GTF3C2: variants seen among roughly 807,000 people sequenced by gnomAD.
GTF3C2 encodes general transcription factor 3C polypeptide 2.
GTF3C2 carries 17 observed loss-of-function variants against 117.4 expected under a neutral mutation model. The observed-to-expected ratio is 0.14, with a 90% CI of 0.10 to 0.22. The LOEUF is 0.22. GTF3C2 is among the 10% of genes least tolerant of loss of function. The pLI, the probability that GTF3C2 is intolerant of heterozygous loss-of-function variation, is 1.00. For missense variants in GTF3C2, 888 were observed against 1,143.6 expected, an observed-to-expected ratio of 0.78 and a Z score of 3.22; for synonymous variants, 437 against 427.0, an observed-to-expected ratio of 1.02 and a Z score of -0.29.
At chr2:27,335,463 C>T in intron 10 of GTF3C2, 135 bp downstream of exon 10, 1 of 714,400 alleles carries the variant, frequency 1.4e-6, no homozygotes, top group Non-Finnish European at 2.6e-6. Flanking sequence ...AGTCACAATG[C>T]AGGGTGTGTG....
intron 12 of GTF3C2, 23 bp downstream of exon 12, chr2:27,333,632 A>T (rs563155629): frequency 2.6e-6 from 4 of 1,558,182 alleles, no homozygotes; most frequent in East Asian, 4.5e-5. Context: ...ATAGTTCCTT[A>T]TGTTTTATTT....
At chr2:27,338,127 C>T in intron 4 of GTF3C2, 107 bp from the exon 5 acceptor site, 1 of 753,904 alleles carries the variant, frequency 1.3e-6, no homozygotes, top group Non-Finnish European at 2.4e-6. Context: ...ATACCTCCCC[C>T]TCCAATCACT....
At chr2:27,355,800 A>T (rs1208112848) in intron 1 of GTF3C2, among the ~76,000 whole-genome samples, 1 of 152,324 alleles carries the variant, frequency 6.6e-6, no homozygotes, top group African/African-American at 2.4e-5. Context: ...TTCCTAGGGT[A>T]CAACTGGCGG....
At chr2:27,328,754 C>G (rs537574371) in intron 15 of GTF3C2, 90 bp downstream of exon 15, 6 of 1,090,112 alleles carry the variant, frequency 5.5e-6, no homozygotes, top group Non-Finnish European at 8.3e-6. Flanking sequence ...TCTTCTCCTT[C>G]TACCCAAAAC....
intron 16 of GTF3C2, 109 bp from the exon 17 acceptor site, chr2:27,328,298 T>TA: frequency 9.8e-7 from 1 of 1,021,284 alleles, no homozygotes; most frequent in Non-Finnish European, 1.5e-6. Context: ...GTAGTATCTT[T>TA]AAATATATGC....
At chr2:27,335,235 A>C in intron 10 of GTF3C2, 1 of 482,634 alleles carries the variant, frequency 2.1e-6, no homozygotes, top group Middle Eastern at 6.3e-4. Flanking sequence ...AGGAGAGGCT[A>C]AGAACAGGAT....
chr2:27,348,530 G>A (rs1681000642), intron 1 of GTF3C2, among the ~76,000 whole-genome samples: 1 of 152,004 alleles, frequency 6.6e-6, no homozygotes, highest in African/African-American at 2.4e-5. Context: ...ATAGGACCAG[G>A]TACAGGCTCA....
At chr2:27,356,106 A>C (rs1376947981) in intron 1 of GTF3C2, 1 of 1,289,138 alleles carries the variant, frequency 7.8e-7, no homozygotes, top group East Asian at 5.5e-5. Flanking sequence ...CCCTCCAACA[A>C]AGTGAGTTGC....
chr2:27,338,540 GT>G (rs1680589635), intron 4 of GTF3C2, among the ~76,000 whole-genome samples: 1 of 151,796 alleles, frequency 6.6e-6, no homozygotes, highest in Non-Finnish European at 1.5e-5. Context: ...TTGTTTTTTT[GT>G]TGTTTTTGAG....
At chr2:27,328,122 G>A (rs1395638205) in exon 17 of GTF3C2, 2 of 1,608,500 alleles carry the variant, frequency 1.2e-6, no homozygotes, top group Non-Finnish European at 1.7e-6. Flanking sequence ...GACCCCAGAT[G>A]AAGCAGAAGA....
chr2:27,336,151 T>A (rs1299574106), intron 8 of GTF3C2, 47 bp downstream of exon 8: 24 of 1,486,226 alleles, frequency 1.6e-5, no homozygotes, highest in East Asian at 2.3e-5. Flanking sequence ...GACCCCATCC[T>A]GCTGTCCTCA....
intron 1 of GTF3C2, chr2:27,350,451 G>C (rs994814113): frequency 2.0e-6 from 2 of 985,434 alleles, no homozygotes; most frequent in Admixed American, 6.2e-5. Context: ...CAGTTGGTAG[G>C]AACAAGTGCT....
At chr2:27,331,904 AC>A (rs1680283850) in intron 12 of GTF3C2, among the ~76,000 whole-genome samples, 1 of 152,144 alleles carries the variant, frequency 6.6e-6, no homozygotes. Context: ...TTGCCACTGC[AC>A]TCCAGCCTGG....
rs1680524319 is a variant in GTF3C2 at position 27,337,347 on chromosome 2, G to A, written c.1029-5C>T. 3.1e-6 allele frequency: 5 copies of A among 1,595,584 alleles called. No individual in the cohort carries two copies. In the East Asian group the frequency reaches 1.1e-4, roughly 36 times the overall value. Reference sequence around the variant, plus strand: ...GGCAGGTAGGGAGCGGCCTCACTGGGGGAAGACAAAGGGAACAGTCTAAAT... The same window carrying A: ...GGCAGGTAGGGAGCGGCCTCACTGGAGGAAGACAAAGGGAACAGTCTAAAT... On this transcript the variant is annotated splice_polypyrimidine_tract_variant and splice_region_variant and intron_variant, in intron 6 of 18. Coordinates refer to ENST00000264720, the Ensembl canonical transcript of GTF3C2.
In GTF3C2 at chr2:27,329,324, A is replaced by C. The variant is rs777195510; in HGVS notation, c.1878-42T>G. ...GAAGGTCAAATCCAAACAAATCCGGAAGTCAGCCTGTCCCAGTCTTCACCT... is the reference window on the plus strand; with the variant it reads ...GAAGGTCAAATCCAAACAAATCCGGCAGTCAGCCTGTCCCAGTCTTCACCT... On this transcript the variant is annotated intron_variant, in intron 13 of 18. Coordinates refer to ENST00000264720, the Ensembl canonical transcript of GTF3C2. This position sits in a 1 kb window ranked among gnomAD's most constrained non-coding sequence, Gnocchi z 4.5. 6.2e-7 allele frequency: 1 copy of C among 1,613,980 alleles called. No individual in the cohort carries two copies. The highest frequency in any genetic ancestry group is 8.5e-7 in the Non-Finnish European group (1 of 1,179,864).
intron 9 of GTF3C2, 82 bp from the exon 10 acceptor site, chr2:27,335,788 T>G (rs1248405548): frequency 2.7e-6 from 3 of 1,098,930 alleles, no homozygotes. Context: ...CCTGAAATAC[T>G]GTATGAAGTT....
intron 4 of GTF3C2, among the ~76,000 whole-genome samples, chr2:27,338,492 A>C (rs969004193): frequency 6.6e-6 from 1 of 151,860 alleles, no homozygotes; most frequent in Non-Finnish European, 1.5e-5. Context: ...ACTCCTGGTA[A>C]TCTCATCTCA....
chr2:27,326,609 G>C, exon 19 of GTF3C2: 1 of 1,215,136 alleles, frequency 8.2e-7, no homozygotes. Flanking sequence ...CAGTTCCTAT[G>C]GCTCTGTGCA....
At chr2:27,326,751 G>A in exon 19 of GTF3C2, 19 of 1,614,062 alleles carry the variant, frequency 1.2e-5, no homozygotes, top group Non-Finnish European at 1.6e-5. Flanking sequence ...TTGGAACATA[G>A]CATTGAAGTG....
Sources: gnomAD v4.1 joint callset for allele counts (sites outside exome capture counted in the v4.1 genomes callset) on GRCh38, gnomAD v4.1.1 for gene constraint, Gnocchi (gnomAD v3.1) non-coding constraint, MANE v1.5 for transcripts, NCBI Gene and HGNC (gene_info 2026-07-23, HGNC 2026-07-21) for gene names.